Variants in CCDC60 observed in about 807,000 individuals in gnomAD.
CCDC60 encodes the protein coiled-coil domain-containing protein 60.
Under a neutral mutation model 63.5 loss-of-function variants are expected in CCDC60, and 54 were observed. The observed-to-expected ratio is 0.85, with a 90% CI of 0.68 to 1.07. The LOEUF is 1.07. Ranked by LOEUF, CCDC60 falls within the 50% of genes least tolerant of loss-of-function variation. The pLI is 0.00. For synonymous variants in CCDC60, 206 were observed against 238.8 expected, an observed-to-expected ratio of 0.86 and a Z score of 1.27; for missense variants, 651 against 684.3, an observed-to-expected ratio of 0.95 and a Z score of 0.54.
chr12:119,366,481 T>A (rs1307681032), intron 1 of CCDC60, among the ~76,000 whole-genome samples: 1 of 152,150 alleles, frequency 6.6e-6, no homozygotes, highest in East Asian at 1.9e-4. Flanking sequence ...ACACTTCTCC[T>A]GAAGGAGGAG....
chr12:119,404,247 G>T (rs569034832), intron 1 of CCDC60, among the ~76,000 whole-genome samples: 1 of 152,252 alleles, frequency 6.6e-6, no homozygotes, highest in East Asian at 1.9e-4. Flanking sequence ...CCAAGATCAC[G>T]CCACTGCACT....
chr12:119,386,638 G>C (rs1260487213), intron 1 of CCDC60, among the ~76,000 whole-genome samples: 1 of 152,184 alleles, frequency 6.6e-6, no homozygotes, highest in Non-Finnish European at 1.5e-5. Context: ...CAGCATTCCA[G>C]CCTTGGAAAA....
chr12:119,496,184 C>T (rs1951711545), intron 5 of CCDC60, among the ~76,000 whole-genome samples: 1 of 152,172 alleles, frequency 6.6e-6, no homozygotes, highest in African/African-American at 2.4e-5. Flanking sequence ...AGCTCTTCCC[C>T]TCCGTCATGG....
chr12:119,475,523 G>T (rs1028400037), intron 3 of CCDC60, among the ~76,000 whole-genome samples: 1 of 152,314 alleles, frequency 6.6e-6, no homozygotes, highest in African/African-American at 2.4e-5. Context: ...TACAAGGCTG[G>T]TTATTAAAAT....
intron 1 of CCDC60, among the ~76,000 whole-genome samples, chr12:119,364,785 A>T (rs750864050): frequency 5.3e-5 from 8 of 152,230 alleles, no homozygotes; most frequent in South Asian, 2.1e-4. Context: ...AACCGCAAGC[A>T]TGATGAGTGT....
intron 1 of CCDC60, among the ~76,000 whole-genome samples, chr12:119,424,872 G>T (rs529139789): frequency 6.6e-6 from 1 of 152,204 alleles, no homozygotes; most frequent in South Asian, 2.1e-4. Flanking sequence ...TAGTTGTGAG[G>T]CTTGGGGGTG....
At chr12:119,418,171 ATATG>A (rs1200051258) in intron 1 of CCDC60, among the ~76,000 whole-genome samples, 12 of 152,002 alleles carry the variant, frequency 7.9e-5, no homozygotes, top group African/African-American at 2.2e-4. Flanking sequence ...ATGTGTGTAT[ATATG>A]TATGTATGTA....
At chr12:119,372,972 G>C (rs1011268133) in intron 1 of CCDC60, among the ~76,000 whole-genome samples, 2 of 152,072 alleles carry the variant, frequency 1.3e-5, no homozygotes, top group Non-Finnish European at 2.9e-5. Context: ...TTTGTTTAAC[G>C]TTACTGTAAA....
At chr12:119,372,241 CAG>C (rs1955905589) in intron 1 of CCDC60, among the ~76,000 whole-genome samples, 1 of 151,922 alleles carries the variant, frequency 6.6e-6, no homozygotes, top group East Asian at 1.9e-4. Flanking sequence ...GCCTGGGTGA[CAG>C]AGCAAGACTG....
At chr12:119,450,798 C>T (rs910334807) in intron 2 of CCDC60, among the ~76,000 whole-genome samples, 3 of 149,918 alleles carry the variant, frequency 2.0e-5, no homozygotes, top group African/African-American at 4.9e-5. Flanking sequence ...GCGGAGGTTG[C>T]GGTGAGCTGA....
intron 1 of CCDC60, among the ~76,000 whole-genome samples, chr12:119,384,059 G>T (rs911353821): frequency 8.5e-5 from 13 of 152,288 alleles, no homozygotes; most frequent in Admixed American, 2.0e-4. Flanking sequence ...AGCCGGGCGT[G>T]GTGGCGGGCG....
rs74540448 is a variant in CCDC60, at chr12:119,437,509, C to G, written c.170+8747C>G. Among the ~76,000 whole-genome samples, 939 of 152,272 alleles carry G rather than the reference C, an allele frequency of 6.2e-3. 12 individuals carry two copies. Among genetic ancestry groups the G allele is most frequent in the African/African-American group, 0.021 (887 of 41,554 alleles). On this transcript the variant is annotated intron_variant, in intron 2 of 13. Transcript: ENST00000327554. ...TATCTATAGTGGCATCTTATTAACT[C>G]AAATTGAGGCTTGGAGTATGAGGGA... is the stretch of plus-strand genomic sequence containing the variant.
At chr12:119,509,718 C>T (rs913426500) in intron 7 of CCDC60, among the ~76,000 whole-genome samples, 4 of 152,096 alleles carry the variant, frequency 2.6e-5, no homozygotes, top group Non-Finnish European at 4.4e-5. Context: ...ATTTTTGTAT[C>T]AGCTCCTTTG....
chr12:119,405,282 G>A (rs534734036), intron 1 of CCDC60, among the ~76,000 whole-genome samples: 11 of 152,274 alleles, frequency 7.2e-5, no homozygotes, highest in Admixed American at 1.3e-4. Flanking sequence ...CTCATCCAGC[G>A]TTGTTATTGA....
chr12:119,519,057 G>T (rs912595639), intron 8 of CCDC60, among the ~76,000 whole-genome samples: 1 of 152,180 alleles, frequency 6.6e-6, no homozygotes, highest in Non-Finnish European at 1.5e-5. Flanking sequence ...CTTCAACGCA[G>T]AGCTACAGAG....
intron 11 of CCDC60, 123 bp from the exon 12 acceptor site, chr12:119,528,492 T>C (rs1952752575): frequency 8.9e-7 from 1 of 1,124,778 alleles, no homozygotes; most frequent in African/African-American, 1.6e-5. Flanking sequence ...AAAGATTAGC[T>C]GACAGGGTTA....
intron 1 of CCDC60, among the ~76,000 whole-genome samples, chr12:119,374,513 A>T (rs1161864002): frequency 6.6e-6 from 1 of 152,120 alleles, no homozygotes; most frequent in Admixed American, 6.5e-5. Flanking sequence ...ATGATGAGAG[A>T]TGCTATAGAG....
At chr12:119,530,493 CA>C (rs758198142) in intron 12 of CCDC60, among the ~76,000 whole-genome samples, 1 of 152,094 alleles carries the variant, frequency 6.6e-6, no homozygotes, top group African/African-American at 2.4e-5. Context: ...TGAGAGCCTC[CA>C]GCATCCTAGT....
chr12:119,456,048 AAAG>A lies in CCDC60; in HGVS notation c.171-15943_171-15941del, dbSNP rs1252798044. Among the ~76,000 whole-genome samples, 63 of 120,634 alleles carry A rather than the reference AAAG, an allele frequency of 5.2e-4. 2 individuals carry two copies. Among genetic ancestry groups the A allele is most frequent in the African/African-American group, 1.5e-3 (57 of 37,080 alleles). The allele number at this position is 120,634 out of a possible 152,430, so 79.1% of individuals were successfully genotyped here. On this transcript the variant is annotated intron_variant, in intron 2 of 13. Coordinates refer to ENST00000327554, the MANE Select transcript of CCDC60 (RefSeq NM_178499.5). This position sits in a 1 kb window ranked among gnomAD's most constrained non-coding sequence, Gnocchi z 4.6. ...GAAAGAAAGAAAGAAAGAAAGAAAG[AAAG>A]AAAGAAAGAAAGCAAGCAAGCATGT... is the stretch of plus-strand genomic sequence containing the variant.
Sources: gnomAD v4.1 joint callset for allele counts (sites outside exome capture counted in the v4.1 genomes callset) on GRCh38, gnomAD v4.1.1 for gene constraint, Gnocchi (gnomAD v3.1) non-coding constraint, MANE v1.5 for transcripts, NCBI Gene and HGNC (gene_info 2026-07-23, HGNC 2026-07-21) for gene names.